Variants in RALGAPB observed in about 807,000 individuals in gnomAD.
RALGAPB encodes the protein Ral GTPase activating protein non-catalytic subunit beta.
RALGAPB carries 25 observed loss-of-function variants against 161.1 expected under a neutral mutation model. That is an observed-to-expected ratio of 0.16 (90% CI 0.11 to 0.22). RALGAPB has a LOEUF of 0.22. Ranked by LOEUF, RALGAPB falls within the 10% of genes least tolerant of loss-of-function variation. The probability of loss-of-function intolerance (pLI) is 1.00; values close to 1 mark genes in which losing one functional copy is unlikely to be tolerated. For missense variants in RALGAPB, 1,391 were observed against 1,815.2 expected, an observed-to-expected ratio of 0.77 and a Z score of 4.25; for synonymous variants, 629 against 626.1, an observed-to-expected ratio of 1.00 and a Z score of -0.07.
In RALGAPB at chr20:38,531,233, T is replaced by C; in HGVS notation, c.2115+2T>C. 6.3e-7 allele frequency: 1 copy of C among 1,592,294 alleles called. No individual in the cohort carries two copies. The highest frequency in any genetic ancestry group is 8.6e-7 in the Non-Finnish European group (1 of 1,160,520). ...GCCATTGGTTGCCAGATGGAGATGG[T>C]AAGAAGCATACATGCAATCTGTCAG... On this transcript the variant is annotated splice_donor_variant, in intron 14 of 29. Transcript: ENST00000262879. LOFTEE classifies it high-confidence loss of function.
At position 38,535,121 on chromosome 20, in the gene RALGAPB, C is replaced by A. The variant is rs1184406234; in HGVS notation, c.2293C>A (p.Leu765Ile). 1.9e-6 allele frequency: 3 copies of A among 1,613,846 alleles called. No individual in the cohort carries two copies. In the African/African-American group the frequency reaches 4.0e-5, roughly 22 times the overall value. ...AAGLLIRSIHLVTQRLNSQWR... is the reference protein window; with the variant it reads ...AAGLLIRSIHIVTQRLNSQWR... ...TGGGCTCCTGATTCGCAGCATTCAT[C>A]TCGTCACCCAAAGACTCAACTCCCA... is the stretch of plus-strand genomic sequence containing the variant. Residue 765 changes from leucine to isoleucine, a missense_variant, in exon 16 of 30, where the codon CTC becomes ATC. Leu to Ile is a conservative substitution (Grantham distance 5). Around this residue, in one of 3 missense-constraint regions of RALGAPB, gnomAD observed 946 missense variants for 1,257.2 expected, o/e 0.75. Transcript: ENST00000262879.
At chr20:38,540,924 C>A in intron 17 of RALGAPB, 117 bp from the exon 18 acceptor site, 1 of 1,066,200 alleles carries the variant, frequency 9.4e-7, no homozygotes, top group Non-Finnish European at 1.4e-6. Flanking sequence ...AAAGAAATTA[C>A]CAAGAAACTG....
chr20:38,548,583 AAC>A, intron 19 of RALGAPB, 104 bp from the exon 20 acceptor site: 1 of 869,918 alleles, frequency 1.1e-6, no homozygotes, highest in Non-Finnish European at 1.8e-6. Context: ...AAGCTTAGGA[AAC>A]ACTGTTGGGC....
At chr20:38,500,676 G>T (rs1206244092) in intron 5 of RALGAPB, among the ~76,000 whole-genome samples, 1 of 152,200 alleles carries the variant, frequency 6.6e-6, no homozygotes, top group African/African-American at 2.4e-5. Flanking sequence ...AGGAAGGTGT[G>T]TTGAAAGCCA....
At position 38,575,104 on chromosome 20, in the gene RALGAPB, C is replaced by T; in HGVS notation, c.*137C>T. On this transcript the variant is annotated 3_prime_UTR_variant, in exon 30 of 30. Transcript: ENST00000262879. ...TGTTTAATCACCAGAATAGAAGAAA[C>T]ACATTATAACCCATTTGATAGAAGA... 1.3e-6 allele frequency: 1 copy of T among 747,760 alleles called. No individual in the cohort carries two copies. The highest frequency in any genetic ancestry group is 2.2e-6 in the Non-Finnish European group (1 of 464,806). The allele number at this position is 747,760 out of a possible 1,614,324, so 46.3% of individuals were successfully genotyped here. A position where few individuals can be genotyped will look rare whatever the true frequency, so the allele number is the denominator to read the frequency against.
At chr20:38,502,098 A>G (rs1400233843) in intron 5 of RALGAPB, among the ~76,000 whole-genome samples, 1 of 152,236 alleles carries the variant, frequency 6.6e-6, no homozygotes, top group African/African-American at 2.4e-5. Context: ...GCAGTATTAA[A>G]TCATAATTGC....
intron 16 of RALGAPB, among the ~76,000 whole-genome samples, chr20:38,537,108 G>A (rs1389346787): frequency 2.6e-5 from 4 of 152,182 alleles, no homozygotes; most frequent in Non-Finnish European, 2.9e-5. Context: ...ATGATTTACT[G>A]TAAGGCTACA....
At chr20:38,529,269 A>T (rs916508993) in intron 13 of RALGAPB, among the ~76,000 whole-genome samples, 1 of 152,162 alleles carries the variant, frequency 6.6e-6, no homozygotes, top group Admixed American at 6.5e-5. Flanking sequence ...ATTAAGAAAT[A>T]CATGTTGTAA....
In RALGAPB at chr20:38,575,824, C is replaced by G. The variant is rs2088414649; in HGVS notation, c.*857C>G. ...TATTATTTAAAGAAATGTAAATTCA[C>G]AATAAGGGTTGAAAATTATTTGGTT... On this transcript the variant is annotated 3_prime_UTR_variant, in exon 30 of 30. Coordinates refer to ENST00000262879, the MANE Select transcript of RALGAPB (RefSeq NM_020336.4). The G allele has an allele frequency of 6.6e-6, 1 of 152,544 alleles. No individual in the cohort carries two copies. The highest frequency in any genetic ancestry group is 2.4e-5 in the African/African-American group (1 of 41,428). The allele number at this position is 152,544 out of a possible 1,614,324, so 9.4% of individuals were successfully genotyped here.
chr20:38,537,651 G>A (rs960466124), intron 16 of RALGAPB: 5 of 152,112 alleles, frequency 3.3e-5, no homozygotes, highest in Admixed American at 3.3e-4. Context: ...AGGCTGGGAG[G>A]AAATGTTTAT....
intron 5 of RALGAPB, among the ~76,000 whole-genome samples, chr20:38,504,124 AG>A (rs568091790): frequency 1.3e-5 from 2 of 152,248 alleles, no homozygotes; most frequent in Non-Finnish European, 2.9e-5. Flanking sequence ...TAATAGCCAA[AG>A]CAAATCCTAA....
intron 18 of RALGAPB, among the ~76,000 whole-genome samples, chr20:38,543,114 G>C (rs1425695280): frequency 6.6e-6 from 1 of 152,138 alleles, no homozygotes; most frequent in Non-Finnish European, 1.5e-5. Context: ...TGGCTCATCT[G>C]TTTCGCTTCA....
chr20:38,575,043 T>G lies in RALGAPB; in HGVS notation c.*76T>G. Reference sequence around the variant, plus strand: ...GCAGAACAGTTTGATAGGTGATCACTGTAAAAATAAAAACAAATCACTCCC... The same window carrying G: ...GCAGAACAGTTTGATAGGTGATCACGGTAAAAATAAAAACAAATCACTCCC... On this transcript the variant is annotated 3_prime_UTR_variant, in exon 30 of 30. Coordinates refer to ENST00000262879, the MANE Select transcript of RALGAPB (RefSeq NM_020336.4). 10 of 1,233,980 alleles carry G rather than the reference T, an allele frequency of 8.1e-6. No individual in the cohort carries two copies. Among genetic ancestry groups the G allele is most frequent in the Non-Finnish European group, 1.2e-5 (10 of 849,326 alleles). 76.4% of individuals were successfully genotyped at this position (1,233,980 alleles called of 1,614,324 possible).
At position 38,499,518 on chromosome 20, in the gene RALGAPB, C is replaced by G; in HGVS notation, c.625C>G (p.Arg209Gly). ...LFEVWLLACT[R>G]CFPTPPYWKT... Reference sequence around the variant, plus strand: ...TGAGGTGTGGTTACTAGCTTGTACTCGGTGCTTCCCAACACCTCCTTATTG... The same window carrying G: ...TGAGGTGTGGTTACTAGCTTGTACTGGGTGCTTCCCAACACCTCCTTATTG... The change falls in exon 5 of 30, where the codon CGG (arginine) becomes GGG (glycine). Residue 209 changes from arginine (R) to glycine (G), a missense_variant. By Grantham distance (125) the Arg-to-Gly change is moderately radical. Transcript: ENST00000262879. 6.2e-7 allele frequency: 1 copy of G among 1,613,880 alleles called. No homozygotes were observed. The highest frequency in any genetic ancestry group is 8.5e-7 in the Non-Finnish European group (1 of 1,179,886).
intron 6 of RALGAPB, among the ~76,000 whole-genome samples, chr20:38,509,621 A>G (rs2085873190): frequency 6.6e-6 from 1 of 152,148 alleles, no homozygotes; most frequent in Non-Finnish European, 1.5e-5. Flanking sequence ...TAAAGTTTCA[A>G]TGGGAGATAC....
At chr20:38,500,726 G>A (rs897524991) in intron 5 of RALGAPB, among the ~76,000 whole-genome samples, 1 of 152,192 alleles carries the variant, frequency 6.6e-6, no homozygotes, top group Admixed American at 6.5e-5. Context: ...CAAATGGTTA[G>A]CCAAGGTGTG....
intron 13 of RALGAPB, among the ~76,000 whole-genome samples, chr20:38,529,484 T>G (rs2086580989): frequency 6.6e-6 from 1 of 150,476 alleles, no homozygotes; most frequent in Admixed American, 6.6e-5. Context: ...GCCATTGCAC[T>G]GCAGCCTGGG....
At chr20:38,558,197 A>G in intron 22 of RALGAPB, 98 bp from the exon 23 acceptor site, 2 of 1,069,328 alleles carry the variant, frequency 1.9e-6, no homozygotes, top group Non-Finnish European at 2.5e-6. Flanking sequence ...TATATTTTTT[A>G]ATTTTATTTT....
intron 20 of RALGAPB, among the ~76,000 whole-genome samples, chr20:38,549,372 C>T (rs901559097): frequency 6.6e-6 from 1 of 151,644 alleles, no homozygotes; most frequent in Non-Finnish European, 1.5e-5. Flanking sequence ...AGACTGTAGG[C>T]ACATGCCATG....
Sources: gnomAD v4.1 joint callset for allele counts (sites outside exome capture counted in the v4.1 genomes callset) on GRCh38, gnomAD v4.1.1 for gene constraint, gnomAD v4.1.1 regional missense constraint, MANE v1.5 for transcripts, NCBI Gene and HGNC (gene_info 2026-07-23, HGNC 2026-07-21) for gene names.